Variants in TAF4B observed in about 807,000 individuals in gnomAD.
The protein encoded by TAF4B is transcription initiation factor TFIID subunit 4B.
TAF4B carries 38 observed loss-of-function variants against 86.4 expected under a neutral mutation model. The observed-to-expected ratio is 0.44, with a 90% CI of 0.34 to 0.58. The LOEUF (loss-of-function observed/expected upper bound fraction) is 0.58. TAF4B is among the 20% of genes least tolerant of loss of function. The pLI is 0.02. For missense variants in TAF4B, 988 were observed against 1,027.6 expected (o/e 0.96, Z 0.53); for synonymous variants, 388 against 391.2 (o/e 0.99, Z 0.10).
At chr18:26,252,654 C>T (rs912399016) in intron 1 of TAF4B, among the ~76,000 whole-genome samples, 7 of 151,976 alleles carry the variant, frequency 4.6e-5, no homozygotes, top group African/African-American at 1.7e-4. Flanking sequence ...CTATTAGTTA[C>T]TTAGTAGCCC....
intron 1 of TAF4B, among the ~76,000 whole-genome samples, chr18:26,258,522 AAAG>A (rs1365598547): frequency 1.3e-5 from 2 of 152,174 alleles, no homozygotes; most frequent in East Asian, 1.9e-4. Context: ...ACCAGTTATG[AAAG>A]AAGAAGTAAT....
intron 14 of TAF4B, among the ~76,000 whole-genome samples, chr18:26,366,041 C>T (rs1330170670): frequency 6.6e-6 from 1 of 152,160 alleles, no homozygotes; most frequent in African/African-American, 2.4e-5. Flanking sequence ...TCCGCTGCCT[C>T]GGCCTCCTAA....
At chr18:26,331,280 T>G (rs887320770) in intron 12 of TAF4B, among the ~76,000 whole-genome samples, 2 of 152,222 alleles carry the variant, frequency 1.3e-5, no homozygotes, top group Middle Eastern at 3.2e-3. Context: ...AAATACTAGT[T>G]TAGTTATTAT....
At chr18:26,244,272 A>G (rs1233336111) in intron 1 of TAF4B, among the ~76,000 whole-genome samples, 1 of 152,208 alleles carries the variant, frequency 6.6e-6, no homozygotes, top group African/African-American at 2.4e-5. Context: ...AGCCTCCGCA[A>G]TGGCGGACCC....
At chr18:26,231,150 C>G (rs576824234) in intron 1 of TAF4B, among the ~76,000 whole-genome samples, 1 of 146,420 alleles carries the variant, frequency 6.8e-6, no homozygotes, top group African/African-American at 2.5e-5. Flanking sequence ...AGCGATTGTC[C>G]TGTCTCAGCC....
intron 1 of TAF4B, among the ~76,000 whole-genome samples, chr18:26,232,858 G>A (rs903450759): frequency 3.9e-5 from 6 of 152,190 alleles, no homozygotes; most frequent in African/African-American, 1.4e-4. Context: ...TGTGGTAGTA[G>A]GATAATGAAG....
chr18:26,279,348 C>CA (rs1370720253), intron 5 of TAF4B, among the ~76,000 whole-genome samples: 2 of 151,946 alleles, frequency 1.3e-5, no homozygotes, highest in Non-Finnish European at 2.9e-5. Context: ...AGGAGAAATA[C>CA]AAAACACTGT....
chr18:26,372,918 G>A (rs946968724), intron 14 of TAF4B, among the ~76,000 whole-genome samples: 1 of 149,136 alleles, frequency 6.7e-6, no homozygotes, highest in Non-Finnish European at 1.5e-5. Flanking sequence ...GCAGTGAGCC[G>A]AGATCGCACT....
At chr18:26,229,395 A>T (rs930310999) in intron 1 of TAF4B, among the ~76,000 whole-genome samples, 2 of 152,202 alleles carry the variant, frequency 1.3e-5, no homozygotes, top group African/African-American at 4.8e-5. Context: ...ATAGAATAAG[A>T]TAACCAATAG....
intron 13 of TAF4B, among the ~76,000 whole-genome samples, chr18:26,344,059 C>T (rs958961756): frequency 2.0e-5 from 3 of 152,054 alleles, no homozygotes; most frequent in Admixed American, 6.5e-5. Context: ...TAGAAACTCC[C>T]AGCAAAGGGC....
rs541616849 is a variant in TAF4B, at chr18:26,256,401, C to T, written c.344-8769C>T. The T allele has an allele frequency of 5.6e-5, 62 of 1,103,660 alleles. No homozygotes were observed. The East Asian group carries it at 7.3e-4, about 13-fold the overall frequency. 68.4% of individuals were successfully genotyped at this position (1,103,660 alleles called of 1,614,324 possible). On this transcript the variant is annotated intron_variant, in intron 1 of 14. Coordinates refer to ENST00000269142, the MANE Select transcript of TAF4B (RefSeq NM_005640.3). ...GTCTTCCAAAAGCAGCCGTTCCACG[C>T]GCAATAACGTCCCCGAGGTGCAGAG...
intron 14 of TAF4B, among the ~76,000 whole-genome samples, chr18:26,388,597 A>C (rs1978515727): frequency 6.6e-6 from 1 of 152,206 alleles, no homozygotes; most frequent in Non-Finnish European, 1.5e-5. Context: ...CCCATTTGAA[A>C]TGGGTCTTAA....
At chr18:26,357,897 GC>G in intron 14 of TAF4B, 103 bp downstream of exon 14, 1 of 693,592 alleles carries the variant, frequency 1.4e-6, no homozygotes, top group Non-Finnish European at 2.2e-6. Context: ...CGCTGTTGCT[GC>G]CAGACACTTC....
At chr18:26,244,359 GT>G (rs1214100145) in intron 1 of TAF4B, among the ~76,000 whole-genome samples, 1 of 152,232 alleles carries the variant, frequency 6.6e-6, no homozygotes, top group Non-Finnish European at 1.5e-5. Context: ...TTCTGTGGGC[GT>G]GGGACCCTCT....
chr18:26,316,415 G>T (rs915475279), intron 10 of TAF4B, among the ~76,000 whole-genome samples: 4 of 151,706 alleles, frequency 2.6e-5, no homozygotes, highest in Non-Finnish European at 5.9e-5. Flanking sequence ...AAGATGGAGG[G>T]AGCCTCACTC....
rs2056623315 is a variant in TAF4B, at chr18:26,293,548, T to C, written c.1832+17T>C. 6.6e-7 allele frequency: 1 copy of C among 1,518,312 alleles called. No homozygotes were observed. Among genetic ancestry groups the C allele is most frequent in the East Asian group, 2.4e-5 (1 of 42,438 alleles). 94.1% of individuals were successfully genotyped at this position (1,518,312 alleles called of 1,614,324 possible). On this transcript the variant is annotated intron_variant, in intron 9 of 14. Transcript: ENST00000269142. ...ATGCTTCCGGTAAGAAAATAAATAG[T>C]TAAATTTGGTTTAAGGAAGTAATTT...
intron 13 of TAF4B, among the ~76,000 whole-genome samples, chr18:26,347,363 A>G (rs1406872356): frequency 1.3e-5 from 2 of 152,200 alleles, no homozygotes; most frequent in African/African-American, 4.8e-5. Context: ...TTTGAAAGTG[A>G]AAAAATGACA....
At chr18:26,237,069 C>G (rs1447293605) in intron 1 of TAF4B, among the ~76,000 whole-genome samples, 1 of 152,188 alleles carries the variant, frequency 6.6e-6, no homozygotes, top group East Asian at 1.9e-4. Context: ...TTCTAGAACA[C>G]AGGTCAACAG....
At position 26,265,309 on chromosome 18, in the gene TAF4B, A is replaced by C. The variant is rs1437414795; in HGVS notation, c.483A>C (p.Thr161=). ...ATCCTCAAACAGTCAAAATCTGTACAGTGCCGGTAATATACCTTAAATATT... is the reference window on the plus strand; with the variant it reads ...ATCCTCAAACAGTCAAAATCTGTACCGTGCCGGTAATATACCTTAAATATT... The part of the protein sequence containing the change: ...PANPQTVKIC[T]VPNSSSQLIK... The change falls in exon 2 of 15, where the codon ACA becomes ACC. Residue 161 remains threonine, a synonymous_variant. Transcript: ENST00000269142. The C allele has an allele frequency of 3.1e-6, 5 of 1,599,544 alleles. No individual in the cohort carries two copies. The highest frequency in any genetic ancestry group is 3.6e-5 in the Admixed American group (2 of 55,254).
Sources: gnomAD v4.1 joint callset for allele counts (sites outside exome capture counted in the v4.1 genomes callset) on GRCh38, gnomAD v4.1.1 for gene constraint, MANE v1.5 for transcripts, NCBI Gene and HGNC (gene_info 2026-07-23, HGNC 2026-07-21) for gene names.